SGCD: variants seen among roughly 807,000 people sequenced by gnomAD.
SGCD encodes delta-sarcoglycan.
SGCD carries 18 observed loss-of-function variants against 36.6 expected under a neutral mutation model. That is an observed-to-expected ratio of 0.49 (90% CI 0.34 to 0.73). The LOEUF (loss-of-function observed/expected upper bound fraction) is 0.73, where lower values mean the gene tolerates loss of function less well. SGCD is among the 30% of genes least tolerant of loss of function. The pLI is 0.01. For missense variants in SGCD, 387 were observed against 346.7 expected, an observed-to-expected ratio of 1.12 and a Z score of -0.92; for synonymous variants, 133 against 130.6, an observed-to-expected ratio of 1.02 and a Z score of -0.12.
chr5:156,402,011 C>T (rs543621347), intron 3 of SGCD, among the ~76,000 whole-genome samples: 1 of 152,276 alleles, frequency 6.6e-6, no homozygotes, highest in South Asian at 2.1e-4. Context: ...TGAGTGAAAT[C>T]ATGCAGTATT....
chr5:156,026,025 C>G (rs1219002344), intron 1 of SGCD, among the ~76,000 whole-genome samples: 3 of 152,170 alleles, frequency 2.0e-5, no homozygotes, highest in Non-Finnish European at 4.4e-5. Context: ...GAAATGGTGG[C>G]TCTAGTCAGC....
chr5:156,641,718 C>T (rs1003022604), intron 6 of SGCD, among the ~76,000 whole-genome samples: 1 of 152,102 alleles, frequency 6.6e-6, no homozygotes, highest in African/African-American at 2.4e-5. Flanking sequence ...CTGTCTATTT[C>T]ATCTCCTCCC....
At chr5:156,326,631 ATT>A (rs1185613845), upstream of SGCD, 2 of 152,208 alleles carry the variant, frequency 1.3e-5, no homozygotes, top group African/African-American at 4.8e-5. Flanking sequence ...TCAAATTAGA[ATT>A]TACATCTCTC....
At chr5:156,180,636 G>A (rs2127626834) in intron 3 of SGCD, among the ~76,000 whole-genome samples, 1 of 152,274 alleles carries the variant, frequency 6.6e-6, no homozygotes, top group South Asian at 2.1e-4. Context: ...ACAAAAGTCA[G>A]ATTAATAGGA....
chr5:155,758,999 A>AT, the SGCD span, among the ~76,000 whole-genome samples: 18 of 149,030 alleles, frequency 1.2e-4, no homozygotes, highest in African/African-American at 1.0e-4. Context: ...AGTTTTTATG[A>AT]TTTTTTTTAT....
the SGCD span, among the ~76,000 whole-genome samples, chr5:155,747,383 G>T: frequency 2.2e-4 from 34 of 152,302 alleles, no homozygotes; most frequent in Non-Finnish European, 1.8e-4. Context: ...CTTTCAGAAG[G>T]AGTGTCACCG....
chr5:156,672,327 C>T (rs1753330597), intron 7 of SGCD, among the ~76,000 whole-genome samples: 1 of 152,290 alleles, frequency 6.6e-6, no homozygotes, highest in Middle Eastern at 3.4e-3. Flanking sequence ...GAGTTAACCT[C>T]AAGTCTTAAA....
At chr5:155,955,437 C>T (rs556936641) in intron 1 of SGCD, among the ~76,000 whole-genome samples, 1 of 152,202 alleles carries the variant, frequency 6.6e-6, no homozygotes, top group African/African-American at 2.4e-5. Flanking sequence ...TACAACACAG[C>T]ATGAAATAGT....
At chr5:156,424,035 T>A (rs994825419) in intron 3 of SGCD, among the ~76,000 whole-genome samples, 2 of 152,032 alleles carry the variant, frequency 1.3e-5, no homozygotes, top group Non-Finnish European at 2.9e-5. Context: ...ATCACTATTA[T>A]TGATCTGTAC....
At chr5:156,209,658 C>T (rs1014706081) in intron 3 of SGCD, among the ~76,000 whole-genome samples, 13 of 152,234 alleles carry the variant, frequency 8.5e-5, no homozygotes, top group African/African-American at 2.7e-4. Flanking sequence ...AGGTTGGCCC[C>T]CACAATCTCA....
intron 3 of SGCD, among the ~76,000 whole-genome samples, chr5:156,127,241 GA>G (rs1210121394): frequency 2.0e-5 from 3 of 151,900 alleles, no homozygotes; most frequent in African/African-American, 7.3e-5. Flanking sequence ...CTACAAAATG[GA>G]AAAAATAGAT....
At chr5:156,427,393 T>G (rs1376829080) in intron 3 of SGCD, among the ~76,000 whole-genome samples, 1 of 152,190 alleles carries the variant, frequency 6.6e-6, no homozygotes, top group Non-Finnish European at 1.5e-5. Context: ...TGATTTAGTA[T>G]GCTGAGATTT....
At chr5:156,360,229 T>C (rs1769710531) in intron 3 of SGCD, among the ~76,000 whole-genome samples, 1 of 150,586 alleles carries the variant, frequency 6.6e-6, no homozygotes, top group Non-Finnish European at 1.5e-5. Flanking sequence ...ATTTTACATA[T>C]ACCTACCCTT....
chr5:156,303,925 G>A (rs1165757882), intron 3 of SGCD, among the ~76,000 whole-genome samples: 2 of 151,878 alleles, frequency 1.3e-5, no homozygotes, highest in African/African-American at 2.4e-5. Flanking sequence ...TACTGCCTAT[G>A]GTTAGGGGAG....
At chr5:156,329,240 G>T (rs961640350) in intron 1 of SGCD, among the ~76,000 whole-genome samples, 7 of 152,172 alleles carry the variant, frequency 4.6e-5, no homozygotes, top group Non-Finnish European at 1.0e-4. Context: ...TGGGCAGTGA[G>T]GGTGGAGGGA....
chr5:155,740,696 C>G, the SGCD span, among the ~76,000 whole-genome samples: 1 of 137,294 alleles, frequency 7.3e-6, no homozygotes, highest in East Asian at 2.8e-4. Flanking sequence ...GTGTTTGTAT[C>G]ATTAGGTCTG....
intron 1 of SGCD, among the ~76,000 whole-genome samples, chr5:156,039,049 T>G (rs778535825): frequency 6.6e-6 from 1 of 152,078 alleles, no homozygotes; most frequent in Non-Finnish European, 1.5e-5. Flanking sequence ...TCAGGAGCTT[T>G]TTATCAAGGT....
At chr5:156,429,613 A>C (rs932905291) in intron 3 of SGCD, among the ~76,000 whole-genome samples, 1 of 151,328 alleles carries the variant, frequency 6.6e-6, no homozygotes, top group Admixed American at 6.6e-5. Flanking sequence ...TTTAGAGACC[A>C]TGTGAGATGT....
At chr5:156,361,024 G>T (rs1004403599) in intron 3 of SGCD, among the ~76,000 whole-genome samples, 1 of 152,192 alleles carries the variant, frequency 6.6e-6, no homozygotes, top group African/African-American at 2.4e-5. Context: ...GCAGATGGCA[G>T]AACTAAGAGA....
Sources: allele counts gnomAD v4.1 joint callset (sites outside exome capture counted in the v4.1 genomes callset), GRCh38; gene constraint gnomAD v4.1.1; transcripts MANE v1.5; gene names NCBI Gene and HGNC (gene_info 2026-07-23, HGNC 2026-07-21).